RNF212B: variants seen among roughly 807,000 people sequenced by gnomAD.
RNF212B encodes E3 ubiquitin-protein ligase RNF212B.
In RNF212B, 52 loss-of-function variants were observed where a neutral mutation model predicts 55.5. That is an observed-to-expected ratio of 0.94 (90% CI 0.75 to 1.18). The LOEUF is 1.18. RNF212B is among the 50% of genes most tolerant of loss of function. The pLI, the probability that RNF212B is intolerant of heterozygous loss-of-function variation, is 0.00. For synonymous variants in RNF212B, 99 were observed against 121.4 expected, an observed-to-expected ratio of 0.82 and a Z score of 1.21; for missense variants, 289 against 350.4, an observed-to-expected ratio of 0.82 and a Z score of 1.40.
intron 2 of RNF212B, among the ~76,000 whole-genome samples, chr14:23,227,270 G>T (rs1045910611): frequency 1.3e-5 from 2 of 151,766 alleles, no homozygotes; most frequent in Non-Finnish European, 2.9e-5. Context: ...GTTGATCAGG[G>T]AATGGAGAAG....
intron 2 of RNF212B, among the ~76,000 whole-genome samples, chr14:23,211,530 T>C (rs1282045495): frequency 1.3e-5 from 2 of 152,126 alleles, no homozygotes; most frequent in Non-Finnish European, 2.9e-5. Flanking sequence ...ATTATTCAGA[T>C]ACCAAAATCA....
chr14:23,252,428 G>T (rs991037865), intron 4 of RNF212B, among the ~76,000 whole-genome samples: 1 of 152,120 alleles, frequency 6.6e-6, no homozygotes, highest in Admixed American at 6.5e-5. Flanking sequence ...ATGTTTAAAA[G>T]AATATAATGA....
chr14:23,248,192 A>G (rs1015359387), intron 4 of RNF212B, among the ~76,000 whole-genome samples: 3 of 151,688 alleles, frequency 2.0e-5, no homozygotes, highest in South Asian at 2.1e-4. Context: ...CAGTGGTGCA[A>G]TCATGGCTCC....
chr14:23,213,599 G>A (rs1361346154), intron 2 of RNF212B, among the ~76,000 whole-genome samples: 1 of 152,128 alleles, frequency 6.6e-6, no homozygotes, highest in African/African-American at 2.4e-5. Flanking sequence ...GCAAGAAGGT[G>A]GTGGGAGTCA....
At chr14:23,258,338 CAA>C (rs1213381274) in intron 4 of RNF212B, 1,868 of 151,844 alleles carry the variant, frequency 0.012, no homozygotes, top group East Asian at 0.028. Context: ...AACTCTGTCT[CAA>C]AAAAAAAAAA....
intron 1 of RNF212B, among the ~76,000 whole-genome samples, chr14:23,239,870 C>T (rs1289008277): frequency 2.6e-5 from 4 of 152,144 alleles, no homozygotes; most frequent in African/African-American, 4.8e-5. Flanking sequence ...CCACCTGCCT[C>T]GGCCTCCCAA....
intron 2 of RNF212B, among the ~76,000 whole-genome samples, chr14:23,203,801 T>G (rs1324227415): frequency 5.3e-5 from 8 of 152,162 alleles, no homozygotes; most frequent in African/African-American, 1.9e-4. Context: ...TTAAGGAATC[T>G]CCACACTGTT....
upstream of RNF212B, among the ~76,000 whole-genome samples, chr14:23,233,598 C>T (rs368911212): frequency 2.4e-4 from 35 of 145,572 alleles, no homozygotes; most frequent in Middle Eastern, 3.7e-3. Context: ...AAAAATTAGC[C>T]GGGTATGGTG....
intron 2 of RNF212B, among the ~76,000 whole-genome samples, chr14:23,223,059 A>AG (rs1475745387): frequency 6.6e-6 from 1 of 150,710 alleles, no homozygotes; most frequent in African/African-American, 2.4e-5. Context: ...CGTCTCAAAA[A>AG]AAAAAAAAAA....
intron 2 of RNF212B, among the ~76,000 whole-genome samples, chr14:23,229,058 A>G (rs1260478585): frequency 2.6e-5 from 4 of 151,288 alleles, no homozygotes; most frequent in Non-Finnish European, 5.9e-5. Context: ...CCTCTAATCT[A>G]CTTTCTGTCT....
At position 23,251,814 on chromosome 14, in the gene RNF212B, CA is replaced by C. The variant is rs71119011; in HGVS notation, c.229-6724del. Among the ~76,000 whole-genome samples, 127 of 136,332 alleles carry C rather than the reference CA, an allele frequency of 9.3e-4. 1 individual carries two copies. The highest frequency in any genetic ancestry group is 1.9e-3 in the African/African-American group (70 of 37,702). The allele number at this position is 136,332 out of a possible 152,430, so 89.4% of individuals were successfully genotyped here. On this transcript the variant is annotated intron_variant, in intron 4 of 14. Transcript: ENST00000430154. Reference sequence around the variant, plus strand: ...CTGGCAACAGAGTGAGACTCTGTCTCAAAAAAAAAAAGAAAGAAAGAAAACC... The same window carrying C: ...CTGGCAACAGAGTGAGACTCTGTCTCAAAAAAAAAAGAAAGAAAGAAAACC...
chr14:23,260,710 C>T (rs1416530415), intron 7 of RNF212B, 23 bp downstream of exon 7: 1 of 1,548,686 alleles, frequency 6.5e-7, no homozygotes. Flanking sequence ...AGCTCCCATA[C>T]TAGCCCAGCC....
At chr14:23,241,900 GT>G (rs1883598059) in intron 2 of RNF212B, among the ~76,000 whole-genome samples, 1 of 150,952 alleles carries the variant, frequency 6.6e-6, no homozygotes, top group Admixed American at 6.6e-5. Flanking sequence ...TGCTAACACG[GT>G]GAAACCCCAT....
intron 2 of RNF212B, 148 bp downstream of exon 2, chr14:23,240,593 AATTGAAGGAATCC>A (rs1883497495): frequency 9.4e-6 from 5 of 534,722 alleles, no homozygotes; most frequent in Non-Finnish European, 1.3e-5. Context: ...CAATTTTAGA[AATTGAAGGAATCC>A]ATTAATAAAG....
chr14:23,264,674 G>GCC lies in RNF212B; in HGVS notation c.634+3_634+4insCC. ...AACTCCCAGAGACTCTTATAATGGT[G>GCC]AGGTGGGGGGAAAAGGGTGTCAGAA... On this transcript the variant is annotated splice_donor_region_variant and intron_variant, in intron 11 of 14. Transcript: ENST00000430154. 7.7e-7 allele frequency: 1 copy of GCC among 1,296,430 alleles called. No individual in the cohort carries two copies. The highest frequency in any genetic ancestry group is 9.9e-7 in the Non-Finnish European group (1 of 1,013,344). 80.3% of individuals were successfully genotyped at this position (1,296,430 alleles called of 1,614,324 possible).
At chr14:23,250,482 C>CAAAAA (rs34825470) in intron 4 of RNF212B, among the ~76,000 whole-genome samples, 1 of 116,736 alleles carries the variant, frequency 8.6e-6, no homozygotes, top group African/African-American at 3.1e-5. Context: ...GACTCTGTCT[C>CAAAAA]AAAAAAAAAA....
intron 4 of RNF212B, among the ~76,000 whole-genome samples, chr14:23,246,917 G>A (rs1449197108): frequency 1.3e-5 from 2 of 152,120 alleles, no homozygotes; most frequent in African/African-American, 4.8e-5. Flanking sequence ...ACGGTGGGTG[G>A]ATCACCTGAG....
At chr14:23,267,197 G>T (rs545647678) in intron 11 of RNF212B, among the ~76,000 whole-genome samples, 1 of 152,110 alleles carries the variant, frequency 6.6e-6, no homozygotes, top group African/African-American at 2.4e-5. Context: ...GCCCTGGCTG[G>T]TCTCGAACTC....
chr14:23,258,168 G>A (rs920879203), intron 4 of RNF212B, among the ~76,000 whole-genome samples: 3 of 151,924 alleles, frequency 2.0e-5, no homozygotes, highest in African/African-American at 4.8e-5. Context: ...TAGAAACCCC[G>A]TCTCTACTAA....
Sources: gnomAD v4.1 joint callset for allele counts (sites outside exome capture counted in the v4.1 genomes callset) on GRCh38, gnomAD v4.1.1 for gene constraint, MANE v1.5 for transcripts, NCBI Gene and HGNC (gene_info 2026-07-23, HGNC 2026-07-21) for gene names.